The following DAPK1 variants were observed in gnomAD, a reference collection of about 807,000 sequenced individuals.
The protein encoded by DAPK1 is death associated protein kinase 1, also known as death-associated protein kinase 1.
DAPK1 carries 56 observed loss-of-function variants against 144.9 expected under a neutral mutation model. That is an observed-to-expected ratio of 0.39 (90% CI 0.31 to 0.48). DAPK1 has a LOEUF of 0.48. Ranked by LOEUF, DAPK1 falls within the 20% of genes least tolerant of loss-of-function variation. The pLI is 0.95. For synonymous variants in DAPK1, 690 were observed against 749.0 expected (o/e 0.92, Z 1.29); for missense variants, 1,454 against 1,875.4 (o/e 0.78, Z 4.15).
rs1829037773 is a variant in DAPK1 at position 87,614,720 on chromosome 9, G to A, written c.284+9545G>A. Among the ~76,000 whole-genome samples, 2 of 152,148 alleles carry A rather than the reference G, an allele frequency of 1.3e-5. 1 individual carries two copies. Among genetic ancestry groups the A allele is most frequent in the South Asian group, 4.1e-4 (2 of 4,826 alleles). On this transcript the variant is annotated intron_variant, in intron 3 of 25. Coordinates refer to ENST00000408954, the MANE Select transcript of DAPK1 (RefSeq NM_004938.4). The stretch of plus-strand genomic sequence containing the variant: ...TCTTGCCCAGTTCCCTCTCTTCGCT[G>A]CTCCAGTATGTTCCCCATCCTTGTC...
chr9:87,651,153 CTATT>C (rs751601201), intron 16 of DAPK1, among the ~76,000 whole-genome samples: 5 of 152,174 alleles, frequency 3.3e-5, no homozygotes, highest in Non-Finnish European at 7.3e-5. Flanking sequence ...AATAGGCTCT[CTATT>C]TAGGAAATTG....
At chr9:87,703,299 G>A (rs1335385961) in intron 25 of DAPK1, 82 bp downstream of exon 25, 2 of 758,186 alleles carry the variant, frequency 2.6e-6, no homozygotes, top group African/African-American at 1.7e-5. Context: ...CTTGGAAGTG[G>A]TGTGAGCCTG....
Position 87,658,077 on chromosome 9 carries a change from G to C in DAPK1, c.1873G>C (p.Val625Leu), listed in dbSNP as rs117269616. ...HLAANNGILDVVRYLCLMGAS... is the reference protein window; with the variant it reads ...HLAANNGILDLVRYLCLMGAS... ...TGCGGCCAACAACGGAATCCTAGAC[G>C]TGGTCCGGTATCTCTGTCTGATGGG... The change falls in exon 18 of 26, where the codon GTG (valine) becomes CTG (leucine). Residue 625 changes from valine (V) to leucine (L), a missense_variant. Around this residue, in one of 2 missense-constraint regions of DAPK1, gnomAD observed 1,025 missense variants for 1,237.9 expected, o/e 0.83. Transcript: ENST00000408954. 44 of 1,550,244 alleles carry C rather than the reference G, an allele frequency of 2.8e-5. No individual in the cohort carries two copies. The highest frequency in any genetic ancestry group is 1.5e-4 in the Admixed American group (9 of 59,802).
rs377522084 is a variant in DAPK1, at chr9:87,515,405, T to G, written c.62+16266T>G. ...AAAGGCTTAAAGAGATTAAATAATT[T>G]AATATGCTGAAATGAGTAAGTGGCA... On this transcript the variant is annotated intron_variant, in intron 2 of 25. Coordinates refer to ENST00000408954, the MANE Select transcript of DAPK1 (RefSeq NM_004938.4). 3.3e-5 allele frequency among the ~76,000 whole-genome samples: 5 copies of G among 152,326 alleles called. No individual in the cohort carries two copies. The East Asian group carries it at 9.6e-4, about 29-fold the overall frequency.
chr9:87,540,789 C>T (rs1383938616), intron 2 of DAPK1, among the ~76,000 whole-genome samples: 2 of 152,176 alleles, frequency 1.3e-5, no homozygotes, highest in Admixed American at 6.5e-5. Flanking sequence ...TGCTCACTTA[C>T]CTGTCTCTTA....
intron 18 of DAPK1, among the ~76,000 whole-genome samples, chr9:87,660,917 T>C (rs1183273700): frequency 4.6e-5 from 7 of 152,250 alleles, no homozygotes; most frequent in Non-Finnish European, 1.0e-4. Context: ...CAATCTCGGC[T>C]CACTGCAACC....
chr9:87,677,569 G>A (rs949598335), intron 19 of DAPK1, among the ~76,000 whole-genome samples: 45 of 152,340 alleles, frequency 3.0e-4, no homozygotes, highest in African/African-American at 7.7e-4. Context: ...GGGGGCACCC[G>A]GGATCCAGTG....
chr9:87,616,448 G>A (rs1387435522), intron 3 of DAPK1, among the ~76,000 whole-genome samples: 2 of 152,142 alleles, frequency 1.3e-5, no homozygotes, highest in African/African-American at 4.8e-5. Context: ...AGTTGACCAG[G>A]GAGAAGGACA....
At chr9:87,557,365 C>T (rs1001392134) in intron 2 of DAPK1, among the ~76,000 whole-genome samples, 25 of 152,192 alleles carry the variant, frequency 1.6e-4, no homozygotes, top group Middle Eastern at 3.2e-3. Context: ...TACGTTTCAC[C>T]CACTGCCTTC....
At chr9:87,682,778 G>A (rs945023883) in intron 20 of DAPK1, among the ~76,000 whole-genome samples, 5 of 152,126 alleles carry the variant, frequency 3.3e-5, no homozygotes, top group Non-Finnish European at 5.9e-5. Context: ...GACAGCTTCC[G>A]AGGTGTTTTT....
intron 2 of DAPK1, among the ~76,000 whole-genome samples, chr9:87,554,853 G>C (rs1826645175): frequency 6.6e-6 from 1 of 152,180 alleles, no homozygotes; most frequent in South Asian, 2.1e-4. Context: ...TTCTGCCCTT[G>C]GCTTCAGCCA....
intron 2 of DAPK1, among the ~76,000 whole-genome samples, chr9:87,566,451 A>T (rs1021721458): frequency 6.6e-6 from 1 of 152,220 alleles, no homozygotes; most frequent in African/African-American, 2.4e-5. Context: ...ATATGACTCA[A>T]CAAAGTAGGG....
At chr9:87,518,620 C>G (rs1825172593) in intron 2 of DAPK1, among the ~76,000 whole-genome samples, 1 of 152,096 alleles carries the variant, frequency 6.6e-6, no homozygotes, top group East Asian at 1.9e-4. Flanking sequence ...GTAGACTATG[C>G]CAAATGTCTT....
intron 17 of DAPK1, among the ~76,000 whole-genome samples, chr9:87,656,260 G>A (rs1186910556): frequency 6.6e-6 from 1 of 152,120 alleles, no homozygotes; most frequent in Non-Finnish European, 1.5e-5. Flanking sequence ...GGGTTATGGG[G>A]AAGGGAGAAA....
chr9:87,666,877 C>T (rs1831078003), intron 18 of DAPK1, among the ~76,000 whole-genome samples: 1 of 152,182 alleles, frequency 6.6e-6, no homozygotes, highest in Admixed American at 6.5e-5. Context: ...TTGTGCGCGT[C>T]TGAGCTCTGC....
chr9:87,573,330 A>T (rs1827431272), intron 2 of DAPK1, among the ~76,000 whole-genome samples: 1 of 152,234 alleles, frequency 6.6e-6, no homozygotes, highest in South Asian at 2.1e-4. Flanking sequence ...CCCATCGTGC[A>T]CTGCACATTC....
intron 21 of DAPK1, among the ~76,000 whole-genome samples, chr9:87,687,406 G>T (rs1824903028): frequency 6.6e-6 from 1 of 152,034 alleles, no homozygotes; most frequent in Non-Finnish European, 1.5e-5. Flanking sequence ...TCTGTGCCTG[G>T]GTTATTTGAC....
intron 21 of DAPK1, among the ~76,000 whole-genome samples, chr9:87,687,105 G>A (rs936796093): frequency 3.9e-5 from 6 of 152,300 alleles, no homozygotes; most frequent in African/African-American, 1.4e-4. Flanking sequence ...CCGTCACTTT[G>A]AGTTTTTATC....
At chr9:87,497,834 T>G, upstream of DAPK1, 1 of 387,856 alleles carries the variant, frequency 2.6e-6, no homozygotes, top group Middle Eastern at 6.5e-4. Context: ...CCGGCCGCCC[T>G]CCGCCCAAAA....
Sources: gnomAD v4.1 joint callset for allele counts (sites outside exome capture counted in the v4.1 genomes callset) on GRCh38, gnomAD v4.1.1 for gene constraint, gnomAD v4.1.1 regional missense constraint, MANE v1.5 for transcripts, NCBI Gene and HGNC (gene_info 2026-07-23, HGNC 2026-07-21) for gene names.